The following MIPOL1 variants were observed in gnomAD, a reference collection of about 807,000 sequenced individuals.
The protein encoded by MIPOL1 is mirror-image polydactyly 1.
In MIPOL1, 57 loss-of-function variants were observed where a neutral mutation model predicts 60.9. That is an observed-to-expected ratio of 0.94 (90% CI 0.76 to 1.17). The LOEUF is 1.17. Ranked by LOEUF, MIPOL1 falls within the 50% of genes most tolerant of loss-of-function variation. The pLI is 0.00. For synonymous variants in MIPOL1, 179 were observed against 168.8 expected (o/e 1.06, Z -0.47); for missense variants, 551 against 511.6 (o/e 1.08, Z -0.74).
chr14:37,210,203 C>T (rs1339484071), intron 1 of MIPOL1, among the ~76,000 whole-genome samples: 4 of 151,954 alleles, frequency 2.6e-5, no homozygotes, highest in African/African-American at 4.8e-5. Flanking sequence ...CTGGATATCC[C>T]CCAATTCAAT....
At chr14:37,342,518 C>T (rs1413056107) in intron 9 of MIPOL1, among the ~76,000 whole-genome samples, 1 of 151,852 alleles carries the variant, frequency 6.6e-6, no homozygotes, top group Non-Finnish European at 1.5e-5. Context: ...CTGCCTCAGC[C>T]TCCCAAGTAG....
chr14:37,341,656 G>A (rs1350579307), intron 9 of MIPOL1, among the ~76,000 whole-genome samples: 1 of 152,092 alleles, frequency 6.6e-6, no homozygotes. Context: ...TGTTGCCCAA[G>A]CTGGTTTTGG....
At chr14:37,212,261 T>C (rs1053611008) in intron 1 of MIPOL1, 1 of 152,178 alleles carries the variant, frequency 6.6e-6, no homozygotes, top group Non-Finnish European at 1.5e-5. Context: ...GGTAGAACAC[T>C]AAGTGGGCTC....
rs182148183 is a variant in MIPOL1 at position 37,294,642 on chromosome 14, C to T, written c.623+9195C>T. Among the ~76,000 whole-genome samples, 33 of 152,124 alleles carry T rather than the reference C, an allele frequency of 2.2e-4. No homozygotes were observed. In the East Asian group the frequency reaches 5.0e-3, roughly 23 times the overall value. ...CCTGATGGAGCTGAAAACAATGGCA[C>T]GAGAACTACGTGATGAATGCACAAG... On this transcript the variant is annotated intron_variant, in intron 7 of 12. Transcript: ENST00000684589.
chr14:37,206,114 C>T (rs1378912425), intron 1 of MIPOL1, among the ~76,000 whole-genome samples: 2 of 151,946 alleles, frequency 1.3e-5, no homozygotes, highest in African/African-American at 4.8e-5. Flanking sequence ...GGAAAATGTC[C>T]CCAGGGTATG....
At chr14:37,448,781 A>AT (rs1476111539) in intron 11 of MIPOL1, among the ~76,000 whole-genome samples, 1 of 152,230 alleles carries the variant, frequency 6.6e-6, no homozygotes, top group African/African-American at 2.4e-5. Flanking sequence ...ACTGTTAATT[A>AT]TACTAAAAAA....
intron 12 of MIPOL1, chr14:37,523,604 ATAGT>A (rs1317742579): frequency 2.0e-5 from 8 of 393,462 alleles, no homozygotes; most frequent in East Asian, 1.1e-4. Flanking sequence ...CATAATTATA[ATAGT>A]TAGATGTTGA....
At chr14:37,293,135 T>G (rs2085261707) in intron 7 of MIPOL1, among the ~76,000 whole-genome samples, 1 of 89,514 alleles carries the variant, frequency 1.1e-5, no homozygotes, top group African/African-American at 3.8e-5. Flanking sequence ...CTTTTCTTCA[T>G]GAAAAGTTTT....
At chr14:37,207,669 C>G (rs890883664) in intron 1 of MIPOL1, among the ~76,000 whole-genome samples, 2 of 151,960 alleles carry the variant, frequency 1.3e-5, no homozygotes, top group East Asian at 1.9e-4. Flanking sequence ...CTTCAGCCTC[C>G]CGAGTAGCTG....
At chr14:37,441,012 G>A (rs1221615263) in intron 11 of MIPOL1, among the ~76,000 whole-genome samples, 1 of 152,132 alleles carries the variant, frequency 6.6e-6, no homozygotes, top group Non-Finnish European at 1.5e-5. Flanking sequence ...CTGATGAGTG[G>A]TGATGTTGAG....
chr14:37,216,197 A>G (rs545042444), intron 1 of MIPOL1, among the ~76,000 whole-genome samples: 3 of 152,224 alleles, frequency 2.0e-5, no homozygotes, highest in Non-Finnish European at 4.4e-5. Flanking sequence ...CAATGTCACT[A>G]TATAATGAAA....
intron 7 of MIPOL1, among the ~76,000 whole-genome samples, chr14:37,305,780 T>TA (rs2086734895): frequency 6.6e-6 from 1 of 151,776 alleles, no homozygotes; most frequent in East Asian, 1.9e-4. Flanking sequence ...CAGTTATATA[T>TA]TTTTTTCCTG....
At chr14:37,360,153 C>A (rs569997146) in intron 9 of MIPOL1, among the ~76,000 whole-genome samples, 1 of 152,158 alleles carries the variant, frequency 6.6e-6, no homozygotes, top group Admixed American at 6.5e-5. Context: ...ACCAGCCTTG[C>A]ATCCCGGGGA....
At chr14:37,212,279 C>A (rs547539522) in intron 1 of MIPOL1, 1 of 152,290 alleles carries the variant, frequency 6.6e-6, no homozygotes, top group African/African-American at 2.4e-5. Flanking sequence ...CTCTTGGAGT[C>A]CCTGATTCCA....
chr14:37,354,106 G>C (rs915870607), intron 9 of MIPOL1, among the ~76,000 whole-genome samples: 1 of 150,390 alleles, frequency 6.6e-6, no homozygotes, highest in Non-Finnish European at 1.5e-5. Context: ...GGTATGTTGT[G>C]TCTTTGTTCT....
chr14:37,310,040 T>C (rs532082118), intron 9 of MIPOL1, among the ~76,000 whole-genome samples: 6 of 152,140 alleles, frequency 3.9e-5, no homozygotes, highest in African/African-American at 1.4e-4. Context: ...TCAAACCCCT[T>C]ATGTCCTTAC....
At chr14:37,514,046 T>TC (rs2095350246) in intron 12 of MIPOL1, among the ~76,000 whole-genome samples, 2 of 152,294 alleles carry the variant, frequency 1.3e-5, no homozygotes, top group African/African-American at 4.8e-5. Flanking sequence ...CTTACGATGA[T>TC]CATGTACATT....
chr14:37,413,965 G>A (rs1413783984), intron 10 of MIPOL1, among the ~76,000 whole-genome samples: 1 of 152,148 alleles, frequency 6.6e-6, no homozygotes, highest in Non-Finnish European at 1.5e-5. Flanking sequence ...CAATTAGTGA[G>A]ATAAAGGAAG....
intron 6 of MIPOL1, among the ~76,000 whole-genome samples, chr14:37,281,506 G>A (rs1297827483): frequency 6.6e-6 from 1 of 152,192 alleles, no homozygotes; most frequent in Non-Finnish European, 1.5e-5. Flanking sequence ...CCAGGTTCAA[G>A]TGATTTTCCT....
Sources: allele counts gnomAD v4.1 joint callset (sites outside exome capture counted in the v4.1 genomes callset), GRCh38; gene constraint gnomAD v4.1.1; transcripts MANE v1.5; gene names NCBI Gene and HGNC (gene_info 2026-07-23, HGNC 2026-07-21).